BANK1: variants seen among roughly 807,000 people sequenced by gnomAD.
BANK1 encodes the protein B-cell scaffold protein with ankyrin repeats.
BANK1 carries 95 observed loss-of-function variants against 94.5 expected under a neutral mutation model. That is an observed-to-expected ratio of 1.00 (90% CI 0.85 to 1.19). BANK1 has a LOEUF of 1.19. Ranked by LOEUF, BANK1 falls within the 50% of genes most tolerant of loss-of-function variation. The pLI, the probability that BANK1 is intolerant of heterozygous loss-of-function variation, is 0.00. For missense variants in BANK1, 987 were observed against 932.2 expected (o/e 1.06, Z -0.77); for synonymous variants, 334 against 308.4 (o/e 1.08, Z -0.87).
At chr4:101,822,284 C>T (rs536679269) in intron 1 of BANK1, among the ~76,000 whole-genome samples, 22 of 151,766 alleles carry the variant, frequency 1.4e-4, no homozygotes, top group Admixed American at 6.6e-4. Flanking sequence ...ATGGGACGAT[C>T]GCTTAAGCCT....
chr4:102,052,302 G>GAGAT (rs1448751760), intron 11 of BANK1, among the ~76,000 whole-genome samples: 2 of 151,906 alleles, frequency 1.3e-5, no homozygotes, highest in African/African-American at 4.8e-5. Context: ...ATTTTTAGTA[G>GAGAT]AGATAGGGTT....
chr4:101,794,227 A>T (rs1725081532), intron 1 of BANK1, among the ~76,000 whole-genome samples: 1 of 152,088 alleles, frequency 6.6e-6, no homozygotes, highest in Admixed American at 6.5e-5. Context: ...GACTCAGTTT[A>T]CATAATATAT....
At chr4:101,806,824 G>A (rs1578327766) in intron 1 of BANK1, among the ~76,000 whole-genome samples, 1 of 152,190 alleles carries the variant, frequency 6.6e-6, no homozygotes, top group Non-Finnish European at 1.5e-5. Flanking sequence ...ATTTATTCTT[G>A]TACTCCTGTG....
chr4:101,848,677 C>T (rs1362561728), intron 2 of BANK1, among the ~76,000 whole-genome samples: 2 of 152,192 alleles, frequency 1.3e-5, no homozygotes, highest in Admixed American at 6.5e-5. Context: ...TTGCTTCATG[C>T]TTTATTATTT....
chr4:101,882,030 C>T (rs1005896555), intron 5 of BANK1, among the ~76,000 whole-genome samples: 1 of 151,866 alleles, frequency 6.6e-6, no homozygotes, highest in African/African-American at 2.4e-5. Context: ...TGATTTTAGT[C>T]AACAGTAATT....
At chr4:101,886,040 T>C (rs1361318758) in intron 5 of BANK1, among the ~76,000 whole-genome samples, 1 of 152,234 alleles carries the variant, frequency 6.6e-6, no homozygotes, top group Non-Finnish European at 1.5e-5. Context: ...GGCAGCTCTG[T>C]TATAATTTGG....
At chr4:101,929,894 T>G (rs1001929977) in intron 7 of BANK1, among the ~76,000 whole-genome samples, 2 of 151,560 alleles carry the variant, frequency 1.3e-5, no homozygotes, top group East Asian at 3.9e-4. Flanking sequence ...TTACAAGAAA[T>G]AATGATATAT....
chr4:102,050,082 A>C (rs1356858625), intron 11 of BANK1, among the ~76,000 whole-genome samples: 1 of 152,188 alleles, frequency 6.6e-6, no homozygotes, highest in Non-Finnish European at 1.5e-5. Context: ...GTGCACTTGG[A>C]TCTCTCAAGT....
intron 7 of BANK1, among the ~76,000 whole-genome samples, chr4:101,927,800 G>C (rs1411331384): frequency 6.6e-6 from 1 of 151,610 alleles, no homozygotes; most frequent in African/African-American, 2.4e-5. Context: ...AGTTTGGCTT[G>C]GGACACGTTA....
chr4:101,816,253 A>C (rs1444764224), intron 1 of BANK1, among the ~76,000 whole-genome samples: 1 of 152,202 alleles, frequency 6.6e-6, no homozygotes, highest in South Asian at 2.1e-4. Flanking sequence ...TGTATGTCAC[A>C]AAAGGCATAG....
intron 4 of BANK1, among the ~76,000 whole-genome samples, chr4:101,869,191 A>G (rs999060795): frequency 5.9e-5 from 9 of 151,928 alleles, no homozygotes; most frequent in African/African-American, 1.7e-4. Context: ...TTTGTGATAA[A>G]CAAAATTAAT....
At chr4:101,801,987 A>G (rs1725369465) in intron 1 of BANK1, among the ~76,000 whole-genome samples, 1 of 152,166 alleles carries the variant, frequency 6.6e-6, no homozygotes, top group South Asian at 2.1e-4. Flanking sequence ...CTAGGGTCTA[A>G]GGGTCTTTTA....
rs192913198 is a variant in BANK1, at chr4:101,848,207, G to C, written c.470-6828G>C. 1.2e-3 allele frequency among the ~76,000 whole-genome samples: 189 copies of C among 152,244 alleles called. 1 individual carries two copies. Among genetic ancestry groups the C allele is most frequent in the African/African-American group, 4.3e-3 (177 of 41,540 alleles). ...GCAGTTGGGGCACTCATAGTTTTGGGGGGGGTCTCCTGGGTCCTGTAGGAG... is the reference window on the plus strand; with the variant it reads ...GCAGTTGGGGCACTCATAGTTTTGGCGGGGGTCTCCTGGGTCCTGTAGGAG... On this transcript the variant is annotated intron_variant, in intron 2 of 16. Transcript: ENST00000322953.
chr4:101,875,154 A>G (rs1010021021), intron 5 of BANK1, among the ~76,000 whole-genome samples: 2 of 152,298 alleles, frequency 1.3e-5, no homozygotes, highest in Non-Finnish European at 2.9e-5. Context: ...GTAGGAAAAA[A>G]TCTTGAGTCA....
intron 7 of BANK1, among the ~76,000 whole-genome samples, chr4:102,020,858 G>A (rs1308285938): frequency 2.0e-5 from 3 of 152,056 alleles, no homozygotes; most frequent in African/African-American, 7.2e-5. Flanking sequence ...ACCATCACTA[G>A]TATTAGCTTT....
intron 11 of BANK1, among the ~76,000 whole-genome samples, chr4:102,044,191 C>G (rs138462742): frequency 0.017 from 2,524 of 152,224 alleles, 49 homozygotes; most frequent in African/African-American, 0.056. Context: ...CTCCCCTCAC[C>G]CCACAACAGT....
At chr4:102,029,467 T>G (rs1464826233) in intron 9 of BANK1, among the ~76,000 whole-genome samples, 1 of 150,648 alleles carries the variant, frequency 6.6e-6, no homozygotes, top group African/African-American at 2.4e-5. Flanking sequence ...CAGACATAGA[T>G]TTATAACTTG....
At chr4:101,913,157 C>T (rs945266060) in intron 6 of BANK1, among the ~76,000 whole-genome samples, 1 of 152,110 alleles carries the variant, frequency 6.6e-6, no homozygotes, top group Non-Finnish European at 1.5e-5. Flanking sequence ...GTTCTTGGTT[C>T]TTGTCTTGTC....
intron 13 of BANK1, 40 bp from the exon 14 acceptor site, chr4:102,071,235 G>T: frequency 6.2e-7 from 1 of 1,602,896 alleles, no homozygotes; most frequent in Non-Finnish European, 8.5e-7. Context: ...GATAAATATT[G>T]AACAAAACTC....
Sources: gnomAD v4.1 joint callset for allele counts (sites outside exome capture counted in the v4.1 genomes callset) on GRCh38, gnomAD v4.1.1 for gene constraint, MANE v1.5 for transcripts, NCBI Gene and HGNC (gene_info 2026-07-23, HGNC 2026-07-21) for gene names.